The following ATG13 variants were observed in gnomAD, a reference collection of about 807,000 sequenced individuals.
The protein encoded by ATG13 is autophagy-related protein 13.
Under a neutral mutation model 65.5 loss-of-function variants are expected in ATG13, and 23 were observed. The ratio of observed to expected loss-of-function variants is 0.35; its 90% CI spans 0.25 to 0.50. The LOEUF (loss-of-function observed/expected upper bound fraction) is 0.50. ATG13 is among the 20% of genes least tolerant of loss of function. ATG13 has a pLI of 0.98. For missense variants in ATG13, 566 were observed against 677.0 expected, an observed-to-expected ratio of 0.84 and a Z score of 1.82; for synonymous variants, 252 against 245.2, an observed-to-expected ratio of 1.03 and a Z score of -0.26.
chr11:46,651,238 C>T (rs1234590067), intron 7 of ATG13, among the ~76,000 whole-genome samples: 1 of 152,022 alleles, frequency 6.6e-6, no homozygotes, highest in Admixed American at 6.6e-5. Flanking sequence ...AACTGCAAAC[C>T]AGAATCAGGA....
At chr11:46,618,863 G>C (rs2046305811) in intron 1 of ATG13, among the ~76,000 whole-genome samples, 1 of 151,962 alleles carries the variant, frequency 6.6e-6, no homozygotes, top group Non-Finnish European at 1.5e-5. Context: ...TGTTACCCAA[G>C]CTGGAGTACA....
rs1565601140 is a variant in ATG13, at chr11:46,663,987, CTG to C, written c.790-7_790-6del. The C allele has an allele frequency of 8.8e-7, 1 of 1,130,186 alleles. No individual in the cohort carries two copies. The highest frequency in any genetic ancestry group is 1.8e-5 in the African/African-American group (1 of 56,990). The allele number at this position is 1,130,186 out of a possible 1,614,324, so 70.0% of individuals were successfully genotyped here. On this transcript the variant is annotated splice_region_variant and splice_polypyrimidine_tract_variant and intron_variant, in intron 11 of 18. Transcript: ENST00000683050. ...TTGTTTCTCCTGTCTCTGTGTGTGT[CTG>C]TGCACAGTGTGTGTTTACTGTCACA...
At chr11:46,657,226 C>G (rs1163298830) in intron 9 of ATG13, 35 bp downstream of exon 9, 1 of 1,573,096 alleles carries the variant, frequency 6.4e-7, no homozygotes, top group Admixed American at 1.7e-5. Flanking sequence ...AAGAACTCTT[C>G]CGAAAATGTT....
chr11:46,632,972 G>C (rs886173631), intron 2 of ATG13, among the ~76,000 whole-genome samples: 2 of 145,048 alleles, frequency 1.4e-5, no homozygotes, highest in African/African-American at 5.1e-5. Flanking sequence ...AGACCAGCCT[G>C]GGCGACAGAG....
rs1592215819 is a variant in ATG13, at chr11:46,665,584, G to A, written c.1136+65G>A. The A allele has an allele frequency of 7.0e-6, 11 of 1,569,438 alleles. No individual in the cohort carries two copies. The Admixed American group carries it at 9.1e-5, about 13-fold the overall frequency. On this transcript the variant is annotated intron_variant, in intron 14 of 18. Transcript: ENST00000683050. Reference sequence around the variant, plus strand: ...CAGGGGCCTGGGCTCCCTGACACACGTGCTTATTTAGAATTAGTAAAGAGT... The same window carrying A: ...CAGGGGCCTGGGCTCCCTGACACACATGCTTATTTAGAATTAGTAAAGAGT...
At position 46,668,480 on chromosome 11, in the gene ATG13, T is replaced by A. The variant is rs765099977; in HGVS notation, c.1252-19T>A. The A allele has an allele frequency of 3.7e-6, 6 of 1,612,484 alleles. No homozygotes were observed. In the South Asian group the frequency reaches 6.6e-5, roughly 18 times the overall value. On this transcript the variant is annotated intron_variant, in intron 15 of 18. Coordinates refer to ENST00000683050, the MANE Select transcript of ATG13 (RefSeq NM_001346311.2). ...GCAGGAGGGGCAGGCATGAATGCTT[T>A]TCTCCTGTGTCTCTTCAGGTGACCC... is the stretch of plus-strand genomic sequence containing the variant.
intron 2 of ATG13, among the ~76,000 whole-genome samples, chr11:46,641,402 T>A (rs917762917): frequency 3.9e-5 from 6 of 152,066 alleles, no homozygotes; most frequent in African/African-American, 1.4e-4. Context: ...GTTATATTCA[T>A]GAGATAGGGT....
intron 1 of ATG13, among the ~76,000 whole-genome samples, chr11:46,629,598 T>C (rs2050958781): frequency 6.6e-6 from 1 of 152,056 alleles, no homozygotes; most frequent in East Asian, 1.9e-4. Context: ...GGTTTCTCCA[T>C]GTTGGTCAGG....
chr11:46,652,573 A>C (rs565780345), intron 7 of ATG13, among the ~76,000 whole-genome samples: 45 of 152,108 alleles, frequency 3.0e-4, no homozygotes, highest in South Asian at 2.7e-3. Flanking sequence ...AAAATTAGCC[A>C]GGTGTGGTGG....
At chr11:46,629,959 A>G (rs1264665985) in intron 1 of ATG13, 86 bp from the exon 2 acceptor site, 2 of 151,980 alleles carry the variant, frequency 1.3e-5, no homozygotes, top group Non-Finnish European at 2.9e-5. Flanking sequence ...TATGGCACAA[A>G]TTTCTGTTTA....
rs1338127494 is a variant in ATG13, at chr11:46,672,899, A to G, written c.*567A>G. The G allele has an allele frequency of 1.0e-6, 1 of 984,820 alleles. No homozygotes were observed. The highest frequency in any genetic ancestry group is 1.7e-5 in the African/African-American group (1 of 58,300). The allele number at this position is 984,820 out of a possible 1,614,324, so 61.0% of individuals were successfully genotyped here. ...TTGCCTCTATGCCTGTATTTCTGGC[A>G]ATATGACAGGCCTGCCTACCCAAGA... On this transcript the variant is annotated 3_prime_UTR_variant, in exon 19 of 19. Transcript: ENST00000683050.
intron 7 of ATG13, among the ~76,000 whole-genome samples, chr11:46,652,921 C>T (rs2059209929): frequency 6.6e-6 from 1 of 152,036 alleles, no homozygotes; most frequent in Admixed American, 6.6e-5. Context: ...AGCCGACCAT[C>T]TGCTTGTTTT....
chr11:46,662,612 G>A (rs2061423357), intron 11 of ATG13, among the ~76,000 whole-genome samples: 1 of 152,052 alleles, frequency 6.6e-6, no homozygotes, highest in South Asian at 2.1e-4. Flanking sequence ...TTACTCCCTG[G>A]GGACCTCTGA....
rs1256481690 is a variant in ATG13, at chr11:46,667,873, A to G, written c.1237A>G (p.Lys413Glu). ...CCGAAAAGTGGGGGCTTTTGTCAAC[A>G]AACCCATTAACCAGGTGATTTTTCT... ...FVRKVGAFVN[K>E]PINQVTLTSL... Residue 413 changes from lysine (K) to glutamate (E), a missense_variant, in exon 15 of 19, where the codon AAA becomes GAA. Lys to Glu is a moderately conservative substitution (Grantham distance 56). Transcript: ENST00000683050. The G allele has an allele frequency of 6.2e-7, 1 of 1,611,734 alleles. No individual in the cohort carries two copies. The highest frequency in any genetic ancestry group is 8.5e-7 in the Non-Finnish European group (1 of 1,178,084).
chr11:46,672,279 G>A lies in ATG13; in HGVS notation c.1600G>A (p.Val534Met). The A allele has an allele frequency of 6.2e-7, 1 of 1,614,244 alleles. No homozygotes were observed. The highest frequency in any genetic ancestry group is 8.5e-7 in the Non-Finnish European group (1 of 1,180,038). Residue 534 changes from valine to methionine, a missense_variant, in exon 19 of 19, where the codon GTG (valine) becomes ATG (methionine). Coordinates refer to ENST00000683050, the MANE Select transcript of ATG13 (RefSeq NM_001346311.2). ...GGACTCATTACCAGAGAAGCTGGCT[G>A]TGCATGAGAAGAATGTCCGCGAGTT... ...DLDSLPEKLA[V>M]HEKNVREFDA...
At chr11:46,651,462 A>G (rs1021128699) in intron 7 of ATG13, among the ~76,000 whole-genome samples, 10 of 152,356 alleles carry the variant, frequency 6.6e-5, no homozygotes, top group African/African-American at 2.4e-4. Flanking sequence ...TCAGATTGTC[A>G]GATGAACCAG....
chr11:46,654,807 C>T (rs10769204), intron 7 of ATG13, among the ~76,000 whole-genome samples: 87,205 of 151,532 alleles, frequency 0.58, 29,637 homozygotes, highest in East Asian at 0.86. Context: ...TTTAAAAAAC[C>T]CGAAAAACAG....
intron 14 of ATG13, 59 bp from the exon 15 acceptor site, chr11:46,667,714 G>A (rs571454353): frequency 8.8e-6 from 12 of 1,371,426 alleles, no homozygotes; most frequent in Non-Finnish European, 1.1e-5. Flanking sequence ...TATTTATAGT[G>A]AACTAAGTCG....
intron 6 of ATG13, among the ~76,000 whole-genome samples, chr11:46,649,568 T>C (rs909813391): frequency 6.6e-6 from 1 of 152,246 alleles, no homozygotes; most frequent in Non-Finnish European, 1.5e-5. Context: ...TGCTCCTTTT[T>C]ACAGACTGTA....
Sources: allele counts gnomAD v4.1 joint callset (sites outside exome capture counted in the v4.1 genomes callset), GRCh38; gene constraint gnomAD v4.1.1; transcripts MANE v1.5; gene names NCBI Gene and HGNC (gene_info 2026-07-23, HGNC 2026-07-21).